The following IGF2R variants were observed in gnomAD, a reference collection of about 807,000 sequenced individuals.
IGF2R encodes the protein cation-independent mannose-6-phosphate receptor.
A neutral mutation model predicts 270.6 loss-of-function variants in IGF2R; 91 were observed. The ratio of observed to expected loss-of-function variants is 0.34; its 90% CI spans 0.28 to 0.40. IGF2R has a LOEUF of 0.40. Among genes scored for constraint, IGF2R ranks in the 10% least tolerant of loss-of-function variants. The pLI is 1.00. For missense variants in IGF2R, 2,805 were observed against 3,188.3 expected (o/e 0.88, Z 2.90); for synonymous variants, 1,316 against 1,258.9 (o/e 1.05, Z -0.96).
At chr6:160,074,627 A>C (rs1266532305) in intron 35 of IGF2R, among the ~76,000 whole-genome samples, 1 of 152,166 alleles carries the variant, frequency 6.6e-6, no homozygotes, top group African/African-American at 2.4e-5. Flanking sequence ...TCCATGAGTT[A>C]TATTCATATT....
chr6:160,085,222 A>C, intron 41 of IGF2R, 91 bp downstream of exon 41: 1 of 1,400,882 alleles, frequency 7.1e-7, no homozygotes, highest in Non-Finnish European at 9.8e-7. Flanking sequence ...GAGAGTGAGC[A>C]TGTGCTTTGG....
Position 160,073,028 on chromosome 6 carries a change from G to A in IGF2R, c.4690+144G>A, listed in dbSNP as rs1019096979. 3.7e-6 allele frequency: 5 copies of A among 1,369,064 alleles called. No homozygotes were observed. The African/African-American group carries it at 4.4e-5, about 12-fold the overall frequency. The allele number at this position is 1,369,064 out of a possible 1,614,324, so 84.8% of individuals were successfully genotyped here. On this transcript the variant is annotated intron_variant, in intron 33 of 47. Coordinates refer to ENST00000356956, the MANE Select transcript of IGF2R (RefSeq NM_000876.4). Reference sequence around the variant, plus strand: ...GTCTCCTGCAGCAGTCACCCCATGTGGGGGACACATGGTCATGTGATGGAA... The same window carrying A: ...GTCTCCTGCAGCAGTCACCCCATGTAGGGGACACATGGTCATGTGATGGAA...
At position 160,061,941 on chromosome 6, in the gene IGF2R, A is replaced by G; in HGVS notation, c.3582+13A>G. 6.2e-7 allele frequency: 1 copy of G among 1,612,168 alleles called. No homozygotes were observed. The highest frequency in any genetic ancestry group is 8.5e-7 in the Non-Finnish European group (1 of 1,178,324). On this transcript the variant is annotated intron_variant, in intron 25 of 47. Coordinates refer to ENST00000356956, the MANE Select transcript of IGF2R (RefSeq NM_000876.4). ...TGCTCAGATATCGGTGTGTGTTCAG[A>G]CCAGCAATGAGATGTTGTCCCCGGG...
intron 33 of IGF2R, 108 bp from the exon 34 acceptor site, chr6:160,073,105 A>T: frequency 6.9e-7 from 1 of 1,453,078 alleles, no homozygotes; most frequent in African/African-American, 1.4e-5. Context: ...ACTTGAAGTT[A>T]TAAGTGTTGG....
Position 159,969,354 on chromosome 6 carries a change from G to T in IGF2R, c.108G>T (p.Gly36=). Residue 36 remains glycine (G), a synonymous_variant, in exon 1 of 48, where the codon GGG becomes GGT. Transcript: ENST00000356956. The part of the protein sequence containing the change: ...LQLLLLVAAP[G]STQAQAAPFP... ...TGCTGCTGCTCGTCGCTGCCCCGGGGTCCACGCAGGCCCAGGCCGCCCCGT... is the reference window on the plus strand; with the variant it reads ...TGCTGCTGCTCGTCGCTGCCCCGGGTTCCACGCAGGCCCAGGCCGCCCCGT... 1 of 1,314,504 alleles carries T rather than the reference G, an allele frequency of 7.6e-7. No homozygotes were observed. Among genetic ancestry groups the T allele is most frequent in the Non-Finnish European group, 9.7e-7 (1 of 1,028,842 alleles). The allele number at this position is 1,314,504 out of a possible 1,614,324, so 81.4% of individuals were successfully genotyped here. A position where few individuals can be genotyped will look rare whatever the true frequency, so the allele number is the denominator to read the frequency against.
At chr6:160,092,862 G>T (rs1779259208) in intron 44 of IGF2R, among the ~76,000 whole-genome samples, 1 of 152,200 alleles carries the variant, frequency 6.6e-6, no homozygotes, top group Non-Finnish European at 1.5e-5. Context: ...CAGCCACAAA[G>T]ATTTTCAGCC....
At position 160,063,469 on chromosome 6, in the gene IGF2R, C is replaced by G. The variant is rs1187265190; in HGVS notation, c.3725C>G (p.Pro1242Arg). 8 of 1,613,234 alleles carry G rather than the reference C, an allele frequency of 5.0e-6. No homozygotes were observed. Among genetic ancestry groups the G allele is most frequent in the Non-Finnish European group, 6.8e-6 (8 of 1,180,024 alleles). Residue 1242 changes from proline (P) to arginine (R), a missense_variant, in exon 27 of 48, where the codon CCC becomes CGC. Pro to Arg is a moderately radical substitution (Grantham distance 103). Transcript: ENST00000356956. ...CATGGCAACTTGTATGACCTGAAGC[C>G]CCTGGGCCTCAACGACACCATCGTG... ...PRHGNLYDLK[P>R]LGLNDTIVSA... is the part of the protein sequence containing the mutation.
chr6:160,019,825 A>G (rs1213825188), intron 4 of IGF2R, among the ~76,000 whole-genome samples: 2 of 152,360 alleles, frequency 1.3e-5, no homozygotes, highest in African/African-American at 2.4e-5. Flanking sequence ...AATAAAAGGC[A>G]TATACGACAG....
At chr6:160,044,171 A>T (rs893873295) in intron 12 of IGF2R, among the ~76,000 whole-genome samples, 1 of 152,226 alleles carries the variant, frequency 6.6e-6, no homozygotes, top group Admixed American at 6.5e-5. Flanking sequence ...ACAGTAGGGG[A>T]CAATGTCAGT....
intron 44 of IGF2R, chr6:160,095,272 A>T (rs1240950317): frequency 6.6e-6 from 1 of 152,458 alleles, no homozygotes; most frequent in African/African-American, 2.4e-5. Flanking sequence ...GGCTTTTTGA[A>T]CAAGGAGGCT....
intron 4 of IGF2R, among the ~76,000 whole-genome samples, chr6:160,014,953 G>A (rs1777251917): frequency 6.6e-6 from 1 of 152,200 alleles, no homozygotes; most frequent in South Asian, 2.1e-4. Context: ...TGTCTGAGAA[G>A]TATTTTAGGC....
chr6:160,012,603 G>T (rs992960251), intron 4 of IGF2R, among the ~76,000 whole-genome samples: 1 of 151,440 alleles, frequency 6.6e-6, no homozygotes, highest in Non-Finnish European at 1.5e-5. Flanking sequence ...AGCAAGAAGG[G>T]GGTGATGGAA....
chr6:159,996,402 T>C (rs1488671033), intron 2 of IGF2R, among the ~76,000 whole-genome samples: 1 of 152,126 alleles, frequency 6.6e-6, no homozygotes, highest in Non-Finnish European at 1.5e-5. Context: ...AGTGGAGTGG[T>C]CTGTGGAATG....
At chr6:160,100,385 A>T (rs1009445312) in intron 45 of IGF2R, among the ~76,000 whole-genome samples, 2 of 152,182 alleles carry the variant, frequency 1.3e-5, no homozygotes, top group African/African-American at 4.8e-5. Context: ...TATTAGGGAT[A>T]AAGAATAAAG....
At chr6:159,981,264 CGTGT>C (rs1198204400) in intron 1 of IGF2R, among the ~76,000 whole-genome samples, 2 of 151,930 alleles carry the variant, frequency 1.3e-5, no homozygotes, top group East Asian at 3.9e-4. Context: ...TGCGTGAGTG[CGTGT>C]GTGAGTGCAC....
intron 45 of IGF2R, among the ~76,000 whole-genome samples, chr6:160,100,861 G>T (rs1360439104): frequency 5.5e-5 from 7 of 126,230 alleles, no homozygotes; most frequent in African/African-American, 2.0e-4. Flanking sequence ...TGCGATCTTG[G>T]CTCACTGCAA....
rs1041367425 is a variant in IGF2R, at chr6:160,084,442, G to A, written c.6068+258G>A. ...CCTCTGGAGCTGGAAGAACCTGGGCGGACTGAGTTAGGCTGGGTTTGATTT... is the reference window on the plus strand; with the variant it reads ...CCTCTGGAGCTGGAAGAACCTGGGCAGACTGAGTTAGGCTGGGTTTGATTT... On this transcript the variant is annotated intron_variant, in intron 40 of 47. Transcript: ENST00000356956. The surrounding 1 kb of genome is among the most constrained non-coding windows in gnomAD (Gnocchi z 4.6). Among the ~76,000 whole-genome samples the A allele has an allele frequency of 1.5e-4, 23 of 152,268 alleles. No individual in the cohort carries two copies. Among genetic ancestry groups the A allele is most frequent in the African/African-American group, 4.8e-4 (20 of 41,542 alleles).
intron 4 of IGF2R, among the ~76,000 whole-genome samples, chr6:160,016,521 C>G (rs1317002085): frequency 6.6e-6 from 1 of 152,244 alleles, no homozygotes; most frequent in Non-Finnish European, 1.5e-5. Context: ...GTTGCCACCA[C>G]TGCAGCTGCC....
At chr6:160,061,960 C>G in intron 25 of IGF2R, 32 bp downstream of exon 25, 3 of 1,590,504 alleles carry the variant, frequency 1.9e-6, no homozygotes, top group Middle Eastern at 1.7e-4. Context: ...GAGATGTTGT[C>G]CCCGGGTGAC....
Sources: gnomAD v4.1 joint callset for allele counts (sites outside exome capture counted in the v4.1 genomes callset) on GRCh38, gnomAD v4.1.1 for gene constraint, Gnocchi (gnomAD v3.1) non-coding constraint, MANE v1.5 for transcripts, NCBI Gene and HGNC (gene_info 2026-07-23, HGNC 2026-07-21) for gene names.